NDST4: variants seen among roughly 807,000 people sequenced by gnomAD.
NDST4 encodes the protein N-heparan sulfate sulfotransferase 4.
A neutral mutation model predicts 100.8 loss-of-function variants in NDST4; 63 were observed. The observed-to-expected ratio is 0.62, with a 90% CI of 0.51 to 0.77. NDST4 has a LOEUF of 0.77. NDST4 is among the 30% of genes least tolerant of loss of function. NDST4 has a pLI of 0.00. For synonymous variants in NDST4, 377 were observed against 361.8 expected, an observed-to-expected ratio of 1.04 and a Z score of -0.48; for missense variants, 943 against 1,018.4, an observed-to-expected ratio of 0.93 and a Z score of 1.01.
intron 2 of NDST4, among the ~76,000 whole-genome samples, chr4:114,993,763 C>T (rs896703713): frequency 1.3e-5 from 2 of 151,900 alleles, no homozygotes; most frequent in Non-Finnish European, 2.9e-5. Context: ...ATAAATTTAG[C>T]TCCTTAAAGA....
intron 2 of NDST4, among the ~76,000 whole-genome samples, chr4:114,996,406 T>C (rs1002710029): frequency 6.6e-6 from 1 of 152,106 alleles, no homozygotes; most frequent in African/African-American, 2.4e-5. Flanking sequence ...CAGACCTGAG[T>C]ATTTCTTTAT....
intron 2 of NDST4, among the ~76,000 whole-genome samples, chr4:115,034,325 C>A (rs1728187246): frequency 6.6e-6 from 1 of 152,044 alleles, no homozygotes; most frequent in Non-Finnish European, 1.5e-5. Context: ...CTCCTTCCTC[C>A]TTCCACTTGC....
At chr4:115,099,935 TA>T (rs1317026639) in intron 1 of NDST4, among the ~76,000 whole-genome samples, 2 of 152,120 alleles carry the variant, frequency 1.3e-5, no homozygotes, top group Non-Finnish European at 2.9e-5. Context: ...AGTGAATGAA[TA>T]AATAAGCTTT....
At chr4:114,899,038 G>A (rs1724777719) in intron 6 of NDST4, among the ~76,000 whole-genome samples, 1 of 152,060 alleles carries the variant, frequency 6.6e-6, no homozygotes, top group South Asian at 2.1e-4. Context: ...TATTGGCTGA[G>A]CTAGGTTTTC....
intron 2 of NDST4, among the ~76,000 whole-genome samples, chr4:114,979,737 C>A (rs759941895): frequency 9.2e-5 from 14 of 151,502 alleles, no homozygotes; most frequent in Non-Finnish European, 1.9e-4. Context: ...AAGAACTTAA[C>A]AGACCTTTTC....
At chr4:115,082,796 C>G (rs1729329073) in intron 1 of NDST4, among the ~76,000 whole-genome samples, 1 of 151,742 alleles carries the variant, frequency 6.6e-6, no homozygotes, top group Non-Finnish European at 1.5e-5. Flanking sequence ...AGAGAAGAAA[C>G]AAAGATTAAG....
rs150032757 is a variant in NDST4, at chr4:114,827,876, T to C, written c.2559A>G (p.Leu853=). Reference sequence around the variant, plus strand: ...ATGGCAGAGGCTGTCCCAGTCTGTGTAGCAGTTTGGATAGTTCCACATTAT... The same window carrying C: ...ATGGCAGAGGCTGTCCCAGTCTGTGCAGCAGTTTGGATAGTTCCACATTAT... The part of the protein sequence containing the change: ...RDHNVELSKL[L]HRLGQPLPSW... The change falls in exon 14 of 14, where the codon CTA becomes CTG. Residue 853 remains leucine, a synonymous_variant. Coordinates refer to ENST00000264363, the MANE Select transcript of NDST4 (RefSeq NM_022569.3). 5.4e-5 allele frequency: 87 copies of C among 1,612,498 alleles called. No homozygotes were observed. In the African/African-American group the frequency reaches 5.6e-4, roughly 10 times the overall value.
At chr4:114,970,145 T>C (rs1181445171) in intron 4 of NDST4, among the ~76,000 whole-genome samples, 1 of 147,894 alleles carries the variant, frequency 6.8e-6, no homozygotes. Flanking sequence ...TTCATCTTCA[T>C]AGATACAAGA....
chr4:115,058,965 A>C (rs1728758633), intron 2 of NDST4, among the ~76,000 whole-genome samples: 2 of 147,530 alleles, frequency 1.4e-5, no homozygotes, highest in South Asian at 4.3e-4. Flanking sequence ...GAAACTGTGG[A>C]AAGAGTTCTG....
At chr4:115,079,976 A>G (rs565681991) in intron 1 of NDST4, among the ~76,000 whole-genome samples, 4 of 152,306 alleles carry the variant, frequency 2.6e-5, no homozygotes, top group Admixed American at 2.0e-4. Context: ...AAATATTTTA[A>G]CACTTCAGAT....
chr4:114,884,195 C>T (rs1210261030), intron 6 of NDST4, among the ~76,000 whole-genome samples: 1 of 152,134 alleles, frequency 6.6e-6, no homozygotes, highest in African/African-American at 2.4e-5. Context: ...TGCTCACACA[C>T]ACATAAGTAC....
At chr4:114,857,611 T>G (rs1723824599) in intron 7 of NDST4, among the ~76,000 whole-genome samples, 1 of 152,200 alleles carries the variant, frequency 6.6e-6, no homozygotes, top group African/African-American at 2.4e-5. Flanking sequence ...AAAATGGACT[T>G]TGGTGGCACT....
intron 2 of NDST4, among the ~76,000 whole-genome samples, chr4:114,979,670 G>T (rs553155893): frequency 6.6e-6 from 1 of 151,810 alleles, no homozygotes; most frequent in Admixed American, 6.6e-5. Flanking sequence ...TTGTGTCATA[G>T]ATCTCTAAAG....
rs372313442 is a variant in NDST4 at position 114,827,850 on chromosome 4, G to A, written c.2585C>T (p.Ser862Leu). 2 of 1,611,940 alleles carry A rather than the reference G, an allele frequency of 1.2e-6. No homozygotes were observed. The highest frequency in any genetic ancestry group is 2.2e-5 in the East Asian group (1 of 44,790). The change falls in exon 14 of 14, where the codon TCG (serine) becomes TTG (leucine). Residue 862 changes from serine (S) to leucine (L), a missense_variant. Ser to Leu is a moderately radical substitution (Grantham distance 145). Transcript: ENST00000264363. ...LLHRLGQPLP[S>L]WLRQELQKVR The stretch of plus-strand genomic sequence containing the variant: ...TTTCTGCAGTTCCTGTCTCAGCCAC[G>A]ATGGCAGAGGCTGTCCCAGTCTGTG...
rs1248292150 is a variant in NDST4, at chr4:115,079,928, AC to A, written c.-246-2647del. ...GTTTTTGTCAGAAAATAACTTTTAA[AC>A]TTTTTCAAAAAATTAAAAATTTTCA... On this transcript the variant is annotated intron_variant, in intron 1 of 13. Coordinates refer to ENST00000264363, the MANE Select transcript of NDST4 (RefSeq NM_022569.3). Among the ~76,000 whole-genome samples the A allele has an allele frequency of 1.2e-3, 178 of 152,248 alleles. 1 individual carries two copies. The highest frequency in any genetic ancestry group is 1.6e-4 in the Non-Finnish European group (11 of 68,010).
rs773267929 is a variant in NDST4, at chr4:114,909,669, C to CAAAAAA, written c.1536+25531_1536+25536dup. 7.8e-4 allele frequency among the ~76,000 whole-genome samples: 48 copies of CAAAAAA among 61,652 alleles called. 3 individuals carry two copies. Among genetic ancestry groups the CAAAAAA allele is most frequent in the African/African-American group, 2.9e-3 (43 of 14,812 alleles). The allele number at this position is 61,652 out of a possible 152,430, so 40.4% of individuals were successfully genotyped here. A position where few individuals can be genotyped will look rare whatever the true frequency, so the allele number is the denominator to read the frequency against. On this transcript the variant is annotated intron_variant, in intron 6 of 13. Coordinates refer to ENST00000264363, the MANE Select transcript of NDST4 (RefSeq NM_022569.3). ...TGGGCGACAGAGCGAGACTCCGTCT[C>CAAAAAA]AAAAAAAAAAAAAAAAAAAAGAAAG...
At chr4:115,112,739 T>C (rs930755923) in intron 1 of NDST4, among the ~76,000 whole-genome samples, 2 of 151,950 alleles carry the variant, frequency 1.3e-5, no homozygotes, top group African/African-American at 4.8e-5. Context: ...CATTTCTTGT[T>C]TTCCAACTTA....
At chr4:114,876,707 C>T (rs1484262771) in intron 6 of NDST4, among the ~76,000 whole-genome samples, 1 of 152,108 alleles carries the variant, frequency 6.6e-6, no homozygotes, top group Non-Finnish European at 1.5e-5. Flanking sequence ...TTTGCTCAAT[C>T]TAAAAATGGT....
chr4:114,902,436 A>G (rs1302090282), intron 6 of NDST4, among the ~76,000 whole-genome samples: 1 of 135,546 alleles, frequency 7.4e-6, no homozygotes, highest in African/African-American at 3.6e-5. Flanking sequence ...TTTTCTGAAG[A>G]GAAATCAAAT....
Sources: gnomAD v4.1 joint callset for allele counts (sites outside exome capture counted in the v4.1 genomes callset) on GRCh38, gnomAD v4.1.1 for gene constraint, MANE v1.5 for transcripts, NCBI Gene and HGNC (gene_info 2026-07-23, HGNC 2026-07-21) for gene names.